Variants in MASP1 observed in about 807,000 individuals in gnomAD.
The protein encoded by MASP1 is mannan-binding lectin serine protease 1.
Under a neutral mutation model 77.1 loss-of-function variants are expected in MASP1, and 59 were observed. The observed-to-expected ratio is 0.77, with a 90% CI of 0.62 to 0.95. The LOEUF is 0.95. Among genes scored for constraint, MASP1 ranks in the 40% least tolerant of loss-of-function variants. The probability of loss-of-function intolerance (pLI) is 0.00; values close to 1 mark genes in which losing one functional copy is unlikely to be tolerated. For missense variants in MASP1, 885 were observed against 912.9 expected (o/e 0.97, Z 0.39); for synonymous variants, 362 against 354.5 (o/e 1.02, Z -0.24).
chr3:187,257,636 T>G (rs1012558601), intron 4 of MASP1, among the ~76,000 whole-genome samples: 3 of 152,174 alleles, frequency 2.0e-5, no homozygotes, highest in Non-Finnish European at 4.4e-5. Flanking sequence ...CTTCCTGCCT[T>G]GGCCTCCCAA....
At chr3:187,276,297 T>A (rs1302704208) in intron 2 of MASP1, among the ~76,000 whole-genome samples, 1 of 152,244 alleles carries the variant, frequency 6.6e-6, no homozygotes, top group Admixed American at 6.5e-5. Flanking sequence ...ATGTATTATG[T>A]TTAGTGTTTA....
chr3:187,236,738 T>A lies in MASP1; in HGVS notation c.1304-171A>T, dbSNP rs147542496. Among the ~76,000 whole-genome samples the A allele has an allele frequency of 1.9e-3, 291 of 152,316 alleles. 1 individual carries two copies. The highest frequency in any genetic ancestry group is 6.7e-3 in the African/African-American group (277 of 41,568). On this transcript the variant is annotated intron_variant, in intron 10 of 10. Transcript: ENST00000296280. ...GGGAGAGCTCTACTCAGGGTCATTT[T>A]GGGTCTAAGTCTCTCTAGGCTGGCC... is the stretch of plus-strand genomic sequence containing the variant.
At chr3:187,287,432 T>C (rs754625387) in intron 1 of MASP1, among the ~76,000 whole-genome samples, 1 of 152,194 alleles carries the variant, frequency 6.6e-6, no homozygotes, top group Non-Finnish European at 1.5e-5. Flanking sequence ...AAGCCACTGC[T>C]CCCTGCACAT....
At chr3:187,277,911 T>C (rs1410688108) in intron 2 of MASP1, among the ~76,000 whole-genome samples, 2 of 152,174 alleles carry the variant, frequency 1.3e-5, no homozygotes, top group Admixed American at 1.3e-4. Flanking sequence ...TAGAAAAAAC[T>C]CAGTAACATT....
chr3:187,262,172 G>A (rs72549156), intron 3 of MASP1, among the ~76,000 whole-genome samples: 10,832 of 152,148 alleles, frequency 0.071, 441 homozygotes, highest in South Asian at 0.13. Context: ...CACAAATACA[G>A]ATTTTTCAAA....
chr3:187,262,979 G>A, intron 2 of MASP1: 1 of 455,356 alleles, frequency 2.2e-6, no homozygotes, highest in East Asian at 3.9e-5. Context: ...TAACCAAGCA[G>A]CTTATTTATT....
chr3:187,244,732 TCCAGTTAAATGG>T (rs749424761), intron 8 of MASP1: 2 of 152,218 alleles, frequency 1.3e-5, no homozygotes, highest in Non-Finnish European at 2.9e-5. Flanking sequence ...GGATCTGTTT[TCCAGTTAAATGG>T]CCTATTCTAG....
chr3:187,224,340 ATTTTTTTTT>A (rs1181826969), intron 13 of MASP1, among the ~76,000 whole-genome samples: 49 of 102,056 alleles, frequency 4.8e-4, no homozygotes, highest in African/African-American at 1.8e-3. Context: ...TGTGCTGAGT[ATTTTTTTTT>A]TTTTTTTTTT....
intron 8 of MASP1, 52 bp downstream of exon 8, chr3:187,250,199 G>T: frequency 6.9e-7 from 1 of 1,450,310 alleles, no homozygotes; most frequent in Non-Finnish European, 9.7e-7. Flanking sequence ...CTCGGATCCC[G>T]CCAGTGCTGG....
At chr3:187,289,959 C>G (rs75229246) in intron 1 of MASP1, among the ~76,000 whole-genome samples, 1,627 of 152,288 alleles carry the variant, frequency 0.011, 28 homozygotes, top group East Asian at 0.031. Context: ...TGAGACAAGA[C>G]CTGCTGGAGA....
rs919928783 is a variant in MASP1 at position 187,235,263 on chromosome 3, T to C, written c.*421A>G. On this transcript the variant is annotated 3_prime_UTR_variant, in exon 11 of 11. Transcript: ENST00000296280. ...TATACAGATGCGGCATTCAGTTCAA[T>C]GTTAGAAACCATTTTCTAATAGTCA... The C allele has an allele frequency of 1.5e-6, 2 of 1,297,708 alleles. No homozygotes were observed. The highest frequency in any genetic ancestry group is 2.0e-6 in the Non-Finnish European group (2 of 996,168). The allele number at this position is 1,297,708 out of a possible 1,614,324, so 80.4% of individuals were successfully genotyped here.
downstream of MASP1, among the ~76,000 whole-genome samples, chr3:187,231,762 G>A (rs1712780402): frequency 6.6e-6 from 1 of 152,218 alleles, no homozygotes; most frequent in Admixed American, 6.5e-5. Flanking sequence ...CCAAAGTCTG[G>A]TAAGACGGAC....
At chr3:187,270,660 A>T (rs764515810) in intron 2 of MASP1, among the ~76,000 whole-genome samples, 11 of 152,218 alleles carry the variant, frequency 7.2e-5, no homozygotes, top group Non-Finnish European at 1.3e-4. Flanking sequence ...CCACACTTTA[A>T]CAAGTGTCAT....
chr3:187,242,626 T>A (rs1713745724), intron 9 of MASP1: 1 of 152,326 alleles, frequency 6.6e-6, no homozygotes, highest in African/African-American at 2.4e-5. Context: ...TCCCTGAGAG[T>A]TCCTTTTCTG....
chr3:187,243,845 G>T (rs1713859275), intron 8 of MASP1: 6 of 597,502 alleles, frequency 1.0e-5, no homozygotes, highest in South Asian at 9.1e-5. Flanking sequence ...TGGTACTACT[G>T]TGTGGTCAAC....
exon 16 of MASP1, chr3:187,219,779 C>T (rs1317795270): frequency 3.0e-5 from 14 of 466,596 alleles, no homozygotes; most frequent in Non-Finnish European, 5.2e-5. Context: ...TAAGGTATAG[C>T]ATTTCCATCT....
At chr3:187,273,530 TCAC>T (rs1369589831) in intron 2 of MASP1, among the ~76,000 whole-genome samples, 1 of 152,196 alleles carries the variant, frequency 6.6e-6, no homozygotes, top group Non-Finnish European at 1.5e-5. Context: ...GGCCAATGAT[TCAC>T]CGACAGCCCC....
At chr3:187,223,571 C>T (rs1304423796) in intron 13 of MASP1, among the ~76,000 whole-genome samples, 1 of 152,142 alleles carries the variant, frequency 6.6e-6, no homozygotes, top group Non-Finnish European at 1.5e-5. Flanking sequence ...AAATAAAAAG[C>T]CCAGCCTAGT....
At chr3:187,242,351 A>C (rs1713719189) in intron 9 of MASP1, 1 of 152,258 alleles carries the variant, frequency 6.6e-6, no homozygotes, top group Non-Finnish European at 1.5e-5. Flanking sequence ...GTCTCTACTA[A>C]AAATACAAAA....
Sources: gnomAD v4.1 joint callset for allele counts (sites outside exome capture counted in the v4.1 genomes callset) on GRCh38, gnomAD v4.1.1 for gene constraint, MANE v1.5 for transcripts, NCBI Gene and HGNC (gene_info 2026-07-23, HGNC 2026-07-21) for gene names.